The following PTCHD4 variants were observed in gnomAD, a reference collection of about 807,000 sequenced individuals.
The protein encoded by PTCHD4 is patched domain containing 4.
PTCHD4 carries 33 observed loss-of-function variants against 58.1 expected under a neutral mutation model. The ratio of observed to expected loss-of-function variants is 0.57; its 90% confidence interval spans 0.43 to 0.76. The LOEUF (loss-of-function observed/expected upper bound fraction) is 0.76, where lower values mean the gene tolerates loss of function less well. PTCHD4 is among the 30% of genes least tolerant of loss of function. The pLI, the probability that PTCHD4 is intolerant of heterozygous loss-of-function variation, is 0.00. For synonymous variants in PTCHD4, 478 were observed against 409.6 expected, an observed-to-expected ratio of 1.17 and a Z score of -2.02; for missense variants, 1,058 against 1,027.1, an observed-to-expected ratio of 1.03 and a Z score of -0.41.
rs1043633973 is a variant in PTCHD4 at position 47,875,562 on chromosome 6, A to G, written c.*2741T>C. On this transcript the variant is annotated 3_prime_UTR_variant, in exon 5 of 5. Transcript: ENST00000339488. ...AAATTATTGCTACAGTTCTCTAAAGAGTACTACGGTGTCCTGGAAAAGATA... is the reference window on the plus strand; with the variant it reads ...AAATTATTGCTACAGTTCTCTAAAGGGTACTACGGTGTCCTGGAAAAGATA... Among the ~76,000 whole-genome samples the G allele has an allele frequency of 6.6e-6, 1 of 151,892 alleles. No individual in the cohort carries two copies. The highest frequency in any genetic ancestry group is 1.5e-5 in the Non-Finnish European group (1 of 67,900).
At chr6:47,916,431 T>A (rs1161587409) in intron 4 of PTCHD4, among the ~76,000 whole-genome samples, 1 of 152,050 alleles carries the variant, frequency 6.6e-6, no homozygotes. Flanking sequence ...TATTGAGGCT[T>A]CCAGCAGCAG....
chr6:47,978,412 C>T (rs184503635), intron 4 of PTCHD4, among the ~76,000 whole-genome samples: 34 of 152,274 alleles, frequency 2.2e-4, no homozygotes, highest in African/African-American at 8.2e-4. Context: ...CTTGCTCTAT[C>T]ACTTAGTGTA....
intron 4 of PTCHD4, among the ~76,000 whole-genome samples, chr6:48,007,370 A>G (rs1762481063): frequency 6.6e-6 from 1 of 152,242 alleles, no homozygotes; most frequent in Non-Finnish European, 1.5e-5. Context: ...TTCATTCTCA[A>G]AAACATTTGC....
intron 4 of PTCHD4, among the ~76,000 whole-genome samples, chr6:47,961,326 T>G (rs1767084941): frequency 6.6e-6 from 1 of 151,928 alleles, no homozygotes; most frequent in Non-Finnish European, 1.5e-5. Context: ...GGAGTCTTGC[T>G]CTGTCACCCA....
chr6:48,109,645 A>C (rs1765820452), intron 1 of PTCHD4, among the ~76,000 whole-genome samples: 2 of 152,244 alleles, frequency 1.3e-5, no homozygotes, highest in African/African-American at 2.4e-5. Context: ...AAATATTTGC[A>C]AGCTATATAT....
At chr6:47,997,329 C>A (rs1323081085) in intron 4 of PTCHD4, among the ~76,000 whole-genome samples, 1 of 151,972 alleles carries the variant, frequency 6.6e-6, no homozygotes, top group East Asian at 1.9e-4. Context: ...AATTTTCCTT[C>A]ATTACTTGGC....
chr6:48,111,048 C>CCTT lies in PTCHD4; in HGVS notation c.-972_-970dup, dbSNP rs1765865026. ...TGGAGGCTGATGTGGGGTTCCCTTA[C>CCTT]CTTCTGGCTTTCGGTTTGGATTGGC... On this transcript the variant is annotated splice_region_variant and 5_prime_UTR_variant. Coordinates refer to ENST00000339488, the MANE Select transcript of PTCHD4 (RefSeq NM_001384253.1). Among the ~76,000 whole-genome samples the CCTT allele has an allele frequency of 6.6e-6, 1 of 152,044 alleles. No individual in the cohort carries two copies. Among genetic ancestry groups the CCTT allele is most frequent in the African/African-American group, 2.4e-5 (1 of 41,492 alleles).
chr6:47,978,853 T>C (rs980469531), intron 4 of PTCHD4, among the ~76,000 whole-genome samples: 21 of 152,154 alleles, frequency 1.4e-4, no homozygotes, highest in African/African-American at 3.6e-4. Context: ...GTACACAGAC[T>C]CATCCTCTGT....
chr6:47,890,702 A>C (rs1764349481), intron 4 of PTCHD4, among the ~76,000 whole-genome samples: 1 of 151,992 alleles, frequency 6.6e-6, no homozygotes, highest in Admixed American at 6.6e-5. Flanking sequence ...GCCCCAGCTG[A>C]GTTGGCTTTG....
At chr6:47,945,527 A>G (rs746128468) in intron 4 of PTCHD4, among the ~76,000 whole-genome samples, 47 of 152,056 alleles carry the variant, frequency 3.1e-4, no homozygotes, top group Middle Eastern at 3.4e-3. Context: ...TAAACAATAT[A>G]TTGTTTAGTT....
At chr6:47,991,533 A>G (rs1269878599) in intron 4 of PTCHD4, among the ~76,000 whole-genome samples, 1 of 152,128 alleles carries the variant, frequency 6.6e-6, no homozygotes, top group African/African-American at 2.4e-5. Context: ...AAGAAATAGC[A>G]ATTGTTAAAC....
chr6:47,893,907 T>G (rs1764453784), intron 4 of PTCHD4, among the ~76,000 whole-genome samples: 1 of 152,254 alleles, frequency 6.6e-6, no homozygotes, highest in African/African-American at 2.4e-5. Flanking sequence ...TTAATTGGAT[T>G]AAACTAATTG....
At position 47,858,352 on chromosome 6, in the gene PTCHD4, A is replaced by G. The variant is rs567270269; in HGVS notation, c.*19951T>C. On this transcript the variant is annotated 3_prime_UTR_variant, in exon 5 of 5. Coordinates refer to ENST00000339488, the MANE Select transcript of PTCHD4 (RefSeq NM_001384253.1). ...AAAGTAATGTGTATGAAAGACAATT[A>G]GATATATTCAGCTTACCTTAACTTC... Among the ~76,000 whole-genome samples the G allele has an allele frequency of 6.6e-6, 1 of 152,166 alleles. No individual in the cohort carries two copies. The highest frequency in any genetic ancestry group is 2.1e-4 in the South Asian group (1 of 4,830).
At position 47,993,526 on chromosome 6, in the gene PTCHD4, T is replaced by C. The variant is rs748639600; in HGVS notation, c.898+15108A>G. 8.3e-4 allele frequency among the ~76,000 whole-genome samples: 126 copies of C among 152,232 alleles called. 1 individual carries two copies. Among genetic ancestry groups the C allele is most frequent in the Non-Finnish European group, 1.7e-3 (115 of 68,008 alleles). On this transcript the variant is annotated intron_variant, in intron 4 of 4. Transcript: ENST00000339488. ...ACAATATATTAAGGACTTTGTGAACTTGAGATGTCAAAGCAGCAGGCAGAA... is the reference window on the plus strand; with the variant it reads ...ACAATATATTAAGGACTTTGTGAACCTGAGATGTCAAAGCAGCAGGCAGAA...
chr6:48,057,180 G>GTT (rs368272988), intron 3 of PTCHD4, among the ~76,000 whole-genome samples: 31 of 146,566 alleles, frequency 2.1e-4, no homozygotes, highest in African/African-American at 2.5e-4. Context: ...GGTTTTTTTT[G>GTT]TTTTTTTTTG....
intron 4 of PTCHD4, among the ~76,000 whole-genome samples, chr6:47,985,626 C>A (rs1235230656): frequency 1.3e-5 from 2 of 151,992 alleles, no homozygotes; most frequent in Non-Finnish European, 2.9e-5. Context: ...CATGCCGATT[C>A]AATTGCTATT....
At position 47,917,123 on chromosome 6, in the gene PTCHD4, C is replaced by T. The variant is rs114356628; in HGVS notation, c.899-37187G>A. On this transcript the variant is annotated intron_variant, in intron 4 of 4. Coordinates refer to ENST00000339488, the MANE Select transcript of PTCHD4 (RefSeq NM_001384253.1). ...TTTTTCCAATAATACTACTTTTGAG[C>T]AAAGCAAAATATGATTACATTTTTG... 5.9e-3 allele frequency among the ~76,000 whole-genome samples: 898 copies of T among 151,804 alleles called. 7 individuals carry two copies. Among genetic ancestry groups the T allele is most frequent in the African/African-American group, 0.02 (841 of 41,450 alleles).
intron 4 of PTCHD4, among the ~76,000 whole-genome samples, chr6:47,947,968 T>G (rs974362836): frequency 6.6e-6 from 1 of 152,198 alleles, no homozygotes; most frequent in African/African-American, 2.4e-5. Flanking sequence ...TTTATATTTC[T>G]TTGTTTCAAA....
intron 4 of PTCHD4, among the ~76,000 whole-genome samples, chr6:47,973,544 G>T (rs191075978): frequency 4.6e-4 from 70 of 152,322 alleles, no homozygotes; most frequent in Admixed American, 1.8e-3. Context: ...CACCAACAGG[G>T]GCAGGCATTT....
Sources: allele counts gnomAD v4.1 joint callset (sites outside exome capture counted in the v4.1 genomes callset), GRCh38; gene constraint gnomAD v4.1.1; transcripts MANE v1.5; gene names NCBI Gene and HGNC (gene_info 2026-07-23, HGNC 2026-07-21).